Variants in PRDM16 observed in about 807,000 individuals in gnomAD.
PRDM16 encodes histone-lysine N-methyltransferase PRDM16.
In PRDM16, 23 loss-of-function variants were observed where a neutral mutation model predicts 110.6. That is an observed-to-expected ratio of 0.21 (90% confidence interval 0.15 to 0.29). PRDM16 has a LOEUF of 0.29. PRDM16 is among the 10% of genes least tolerant of loss of function. The probability of loss-of-function intolerance (pLI) is 1.00; values close to 1 mark genes in which losing one functional copy is unlikely to be tolerated. For synonymous variants in PRDM16, 799 were observed against 781.8 expected (o/e 1.02, Z -0.37); for missense variants, 1,615 against 1,794.3 (o/e 0.90, Z 1.81).
intron 3 of PRDM16, among the ~76,000 whole-genome samples, chr1:3,346,541 G>A (rs541716969): frequency 2.1e-4 from 32 of 152,264 alleles, no homozygotes; most frequent in African/African-American, 6.5e-4. Context: ...TCACCCTGCT[G>A]TCTCCTTTCT....
At position 3,385,222 on chromosome 1, in the gene PRDM16, A is replaced by G; in HGVS notation, c.509A>G (p.Lys170Arg). ...CAGGCGGGGGCTGGCAGCTGGCTCA[A>G]GTACATCCGTGTGGCGTGCTCCTGC... ...ANQAGAGSWLKYIRVACSCDD... is the reference protein window; with the variant it reads ...ANQAGAGSWLRYIRVACSCDD... Residue 170 changes from lysine to arginine, a missense_variant, in exon 4 of 17, where the codon AAG becomes AGG. By Grantham distance (26) the Lys-to-Arg change is conservative. Around this residue, in one of 5 missense-constraint regions of PRDM16, gnomAD observed 416 missense variants for 467.1 expected, o/e 0.89. Coordinates refer to ENST00000270722, the MANE Select transcript of PRDM16 (RefSeq NM_022114.4). The G allele has an allele frequency of 6.2e-7, 1 of 1,613,758 alleles. No individual in the cohort carries two copies. Among genetic ancestry groups the G allele is most frequent in the East Asian group, 2.2e-5 (1 of 44,884 alleles).
chr1:3,274,756 G>C (rs938612301), intron 3 of PRDM16, among the ~76,000 whole-genome samples: 1 of 152,198 alleles, frequency 6.6e-6, no homozygotes, highest in African/African-American at 2.4e-5. Context: ...ATTAGGGAAG[G>C]TTTATTTTGC....
At chr1:3,289,537 T>G (rs910217978) in intron 3 of PRDM16, among the ~76,000 whole-genome samples, 2 of 152,134 alleles carry the variant, frequency 1.3e-5, no homozygotes, top group African/African-American at 4.8e-5. Context: ...GGCTGGGGGC[T>G]TGGGTGAAGG....
chr1:3,225,983 T>C (rs1468593415), intron 2 of PRDM16, among the ~76,000 whole-genome samples: 1 of 152,242 alleles, frequency 6.6e-6, no homozygotes, highest in Admixed American at 6.5e-5. Flanking sequence ...CAGCCCTTAG[T>C]GGTCCCAGAT....
chr1:3,180,896 A>C (rs896276968), intron 1 of PRDM16, among the ~76,000 whole-genome samples: 1 of 151,138 alleles, frequency 6.6e-6, no homozygotes, highest in Non-Finnish European at 1.5e-5. Context: ...ACACGGCCTC[A>C]CACACGCAGT....
chr1:3,084,336 G>A (rs1642100136), intron 1 of PRDM16, among the ~76,000 whole-genome samples: 1 of 152,160 alleles, frequency 6.6e-6, no homozygotes, highest in Non-Finnish European at 1.5e-5. Context: ...CATTCGATCT[G>A]AAGCATGGGG....
chr1:3,253,895 G>A (rs1639994221), intron 3 of PRDM16, among the ~76,000 whole-genome samples: 4 of 152,082 alleles, frequency 2.6e-5, no homozygotes, highest in Admixed American at 6.5e-5. Flanking sequence ...TTTAATGATT[G>A]CCATTCTGAC....
chr1:3,075,995 C>A (rs1355263767), intron 1 of PRDM16, among the ~76,000 whole-genome samples: 1 of 152,220 alleles, frequency 6.6e-6, no homozygotes, highest in Non-Finnish European at 1.5e-5. Flanking sequence ...CCAAGCCCCC[C>A]ACGCGTGGGG....
intron 5 of PRDM16, 29 bp downstream of exon 5, chr1:3,396,622 G>A (rs375883683): frequency 5.4e-5 from 60 of 1,119,462 alleles, no homozygotes; most frequent in African/African-American, 5.0e-4. Context: ...ACCGGGCCAC[G>A]GCCCCTGGGA....
chr1:3,178,982 C>T (rs1011507181), intron 1 of PRDM16, among the ~76,000 whole-genome samples: 3 of 152,212 alleles, frequency 2.0e-5, no homozygotes, highest in African/African-American at 4.8e-5. Flanking sequence ...CAGCCCTTCC[C>T]TTGGGCTGGC....
At chr1:3,114,091 C>T (rs1642858389) in intron 1 of PRDM16, among the ~76,000 whole-genome samples, 1 of 152,078 alleles carries the variant, frequency 6.6e-6, no homozygotes, top group Non-Finnish European at 1.5e-5. Context: ...TTTGCATGTT[C>T]ATTTGTGATG....
At chr1:3,401,756 G>A (rs1055640777) in intron 5 of PRDM16, among the ~76,000 whole-genome samples, 2 of 152,210 alleles carry the variant, frequency 1.3e-5, no homozygotes, top group African/African-American at 2.4e-5. Flanking sequence ...CACACATGCA[G>A]ACAGAAACAC....
At chr1:3,388,963 G>A (rs1643248005) in intron 4 of PRDM16, among the ~76,000 whole-genome samples, 2 of 152,190 alleles carry the variant, frequency 1.3e-5, no homozygotes, top group Non-Finnish European at 2.9e-5. Flanking sequence ...GCGCTCCAGG[G>A]CACCTGCTGA....
intron 14 of PRDM16, among the ~76,000 whole-genome samples, chr1:3,427,560 G>A (rs924671308): frequency 1.3e-5 from 2 of 152,174 alleles, no homozygotes; most frequent in Non-Finnish European, 2.9e-5. Flanking sequence ...GCGTCTTCCT[G>A]TCATTGCTTC....
At chr1:3,347,818 G>C (rs189861409) in intron 3 of PRDM16, among the ~76,000 whole-genome samples, 1 of 152,212 alleles carries the variant, frequency 6.6e-6, no homozygotes, top group Non-Finnish European at 1.5e-5. Context: ...GGGCTGGGGC[G>C]GGAACAGGAA....
chr1:3,202,803 A>G (rs1638664016), intron 2 of PRDM16, among the ~76,000 whole-genome samples: 1 of 152,208 alleles, frequency 6.6e-6, no homozygotes, highest in Non-Finnish European at 1.5e-5. Flanking sequence ...TGAGCAAGCC[A>G]TCGTGGCCTC....
intron 1 of PRDM16, among the ~76,000 whole-genome samples, chr1:3,086,389 T>G (rs1158160254): frequency 3.9e-5 from 6 of 152,096 alleles, no homozygotes; most frequent in Non-Finnish European, 8.8e-5. Flanking sequence ...GGCTCTGAGT[T>G]TCTTGGTCAG....
chr1:3,235,650 G>C (rs1639522245), intron 2 of PRDM16, among the ~76,000 whole-genome samples: 2 of 152,272 alleles, frequency 1.3e-5, no homozygotes, highest in Non-Finnish European at 2.9e-5. Flanking sequence ...ATCAGCAGGG[G>C]CTCCCAGGTG....
chr1:3,423,469 C>T (rs1408365663), intron 12 of PRDM16, among the ~76,000 whole-genome samples: 1 of 152,162 alleles, frequency 6.6e-6, no homozygotes, highest in Non-Finnish European at 1.5e-5. Context: ...AGCCCAGGCC[C>T]CTCCTGTACA....
Sources: gnomAD v4.1 joint callset for allele counts (sites outside exome capture counted in the v4.1 genomes callset) on GRCh38, gnomAD v4.1.1 for gene constraint, gnomAD v4.1.1 regional missense constraint, MANE v1.5 for transcripts, NCBI Gene and HGNC (gene_info 2026-07-23, HGNC 2026-07-21) for gene names.